SH3KBP1: variants seen among roughly 807,000 people sequenced by gnomAD.
SH3KBP1 encodes the protein SH3 domain containing kinase binding protein 1, also known as SH3 domain-containing kinase-binding protein 1.
Under a neutral mutation model 50.1 loss-of-function variants are expected in SH3KBP1, and 8 were observed. The ratio of observed to expected loss-of-function variants is 0.16; its 90% CI spans 0.09 to 0.29. The LOEUF (loss-of-function observed/expected upper bound fraction) is 0.29, where lower values mean the gene tolerates loss of function less well. Among genes scored for constraint, SH3KBP1 ranks in the 10% least tolerant of loss-of-function variants. The pLI is 1.00. For synonymous variants in SH3KBP1, 227 were observed against 218.6 expected (o/e 1.04, Z -0.34); for missense variants, 377 against 535.2 (o/e 0.70, Z 2.92).
At chrX:19,662,251 C>T (rs376325620) in intron 6 of SH3KBP1, among the ~76,000 whole-genome samples, 9 of 111,778 alleles carry the variant, frequency 8.1e-5, no homozygotes, top group South Asian at 3.7e-4. Context: ...TAGTAGATGA[C>T]GTAATTTCCA....
At chrX:19,724,229 GA>G (rs2064153447) in intron 3 of SH3KBP1, among the ~76,000 whole-genome samples, 1 of 111,042 alleles carries the variant, frequency 9.0e-6, no homozygotes, top group Non-Finnish European at 1.9e-5. Context: ...GAAAAAAAAT[GA>G]ATGAAGATTC....
chrX:19,732,596 TA>T (rs2064412854), intron 3 of SH3KBP1, among the ~76,000 whole-genome samples: 1 of 90,752 alleles, frequency 1.1e-5, no homozygotes, highest in Admixed American at 1.3e-4. Flanking sequence ...TAAAAATCCC[TA>T]CACACACACA....
intron 8 of SH3KBP1, among the ~76,000 whole-genome samples, chrX:19,610,392 T>C (rs1251436292): frequency 9.0e-6 from 1 of 111,448 alleles, no homozygotes; most frequent in African/African-American, 3.3e-5. Flanking sequence ...GAAAAACTTA[T>C]GAAGGAAGCT....
chrX:19,878,882 C>T (rs1278529681), intron 1 of SH3KBP1, among the ~76,000 whole-genome samples: 1 of 112,290 alleles, frequency 8.9e-6, no homozygotes, highest in Non-Finnish European at 1.9e-5. Flanking sequence ...TGTACCAAAA[C>T]CCATTGAATT....
At chrX:19,562,607 C>T (rs774068424) in intron 13 of SH3KBP1, among the ~76,000 whole-genome samples, 2 of 111,744 alleles carry the variant, frequency 1.8e-5, no homozygotes, top group South Asian at 7.7e-4. Flanking sequence ...CAGCATGTAG[C>T]AAACATAGAG....
chrX:19,722,556 GCGCGTGCGCAC>G lies in SH3KBP1; in HGVS notation c.287-15583_287-15573del, dbSNP rs1373255770. ...GGTGTGTGTGTGTGTGTGTGTGTGT[GCGCGTGCGCAC>G]TGGTGTGTGTGTGTGTGTGTGTGTG... On this transcript the variant is annotated intron_variant, in intron 3 of 17. Coordinates refer to ENST00000397821, the MANE Select transcript of SH3KBP1 (RefSeq NM_031892.3). Among the ~76,000 whole-genome samples the G allele has an allele frequency of 9.5e-3, 958 of 100,484 alleles. 21 individuals carry two copies. Among genetic ancestry groups the G allele is most frequent in the African/African-American group, 0.034 (897 of 26,308 alleles). The allele number at this position is 100,484 out of a possible 115,157, so 87.3% of individuals were successfully genotyped here. A position where few individuals can be genotyped will look rare whatever the true frequency, so the allele number is the denominator to read the frequency against.
At chrX:19,651,757 A>G (rs983927678) in intron 6 of SH3KBP1, among the ~76,000 whole-genome samples, 3 of 111,631 alleles carry the variant, frequency 2.7e-5, no homozygotes, top group African/African-American at 9.8e-5. Flanking sequence ...CACTTTGGGA[A>G]ACTGAGGTGA....
At chrX:19,539,645 A>G (rs748429432) in intron 16 of SH3KBP1, among the ~76,000 whole-genome samples, 23 of 112,089 alleles carry the variant, frequency 2.1e-4, no homozygotes, top group Non-Finnish European at 3.4e-4. Context: ...GAAGAAACAC[A>G]GGGGAATTGA....
chrX:19,567,140 C>G, intron 13 of SH3KBP1, among the ~76,000 whole-genome samples: 1 of 109,146 alleles, frequency 9.2e-6, no homozygotes, highest in Non-Finnish European at 1.9e-5. Flanking sequence ...GTGGGTGTGG[C>G]TTAACAAGAG....
At chrX:19,553,751 T>C (rs1035008112) in intron 13 of SH3KBP1, among the ~76,000 whole-genome samples, 34 of 101,021 alleles carry the variant, frequency 3.4e-4, no homozygotes, top group African/African-American at 1.2e-3. Context: ...CCAGGACATA[T>C]GGCAGAGAAG....
At chrX:19,853,813 T>A (rs776645002) in intron 1 of SH3KBP1, among the ~76,000 whole-genome samples, 3 of 110,151 alleles carry the variant, frequency 2.7e-5, no homozygotes, top group Non-Finnish European at 5.7e-5. Flanking sequence ...AAATACAAAA[T>A]TAGCCGGGCG....
chrX:19,695,594 T>G lies in SH3KBP1; in HGVS notation c.520+18A>C. 2.5e-6 allele frequency: 3 copies of G among 1,208,193 alleles called. No homozygotes were observed. The highest frequency in any genetic ancestry group is 3.4e-6 in the Non-Finnish European group (3 of 893,795). On this transcript the variant is annotated intron_variant, in intron 5 of 17. Transcript: ENST00000397821. ...GGTCCCCCGCCCCTCTCCTGCTTGG[T>G]AGGGTAGACTTCCTTACTTGACTTG...
intron 3 of SH3KBP1, chrX:19,740,948 G>A (rs1356756359): frequency 6.7e-6 from 1 of 148,678 alleles, no homozygotes; most frequent in African/African-American, 3.1e-5. Flanking sequence ...GGCTTGGAAT[G>A]ACCAGTGCTG....
intron 1 of SH3KBP1, among the ~76,000 whole-genome samples, chrX:19,853,970 A>T (rs1457741025): frequency 2.8e-5 from 3 of 109,030 alleles, no homozygotes; most frequent in Non-Finnish European, 5.7e-5. Flanking sequence ...TCTAAAAAAA[A>T]AAACAACAGC....
chrX:19,765,740 C>A (rs1057106355), intron 2 of SH3KBP1, among the ~76,000 whole-genome samples: 1 of 111,829 alleles, frequency 8.9e-6, no homozygotes, highest in African/African-American at 3.3e-5. Flanking sequence ...CAGCTCCTGG[C>A]AACCAGCAGT....
intron 2 of SH3KBP1, among the ~76,000 whole-genome samples, chrX:19,763,770 C>T (rs934910511): frequency 3.6e-5 from 4 of 110,644 alleles, no homozygotes; most frequent in Non-Finnish European, 5.7e-5. Flanking sequence ...GCCTGTAATC[C>T]CAGCACTTTG....
At chrX:19,627,628 C>T (rs1286438345) in intron 8 of SH3KBP1, among the ~76,000 whole-genome samples, 1 of 112,358 alleles carries the variant, frequency 8.9e-6, no homozygotes, top group Non-Finnish European at 1.9e-5. Flanking sequence ...CAGGGACATA[C>T]AGAAATAGTT....
intron 2 of SH3KBP1, among the ~76,000 whole-genome samples, chrX:19,792,205 T>C (rs2066551737): frequency 8.9e-6 from 1 of 112,017 alleles, no homozygotes; most frequent in Non-Finnish European, 1.9e-5. Context: ...CTCTGTATCA[T>C]AGATATGGAA....
At chrX:19,852,690 T>C (rs1036657628) in intron 1 of SH3KBP1, among the ~76,000 whole-genome samples, 1 of 101,237 alleles carries the variant, frequency 9.9e-6, no homozygotes, top group African/African-American at 3.8e-5. Context: ...CACATGAATA[T>C]AGGCAGTAGG....
Sources: allele counts gnomAD v4.1 joint callset (sites outside exome capture counted in the v4.1 genomes callset), GRCh38; gene constraint gnomAD v4.1.1; transcripts MANE v1.5; gene names NCBI Gene and HGNC (gene_info 2026-07-23, HGNC 2026-07-21).